UNK: variants seen among roughly 807,000 people sequenced by gnomAD.
UNK encodes RING finger protein unkempt homolog.
In UNK, 32 loss-of-function variants were observed where a neutral mutation model predicts 97.6. That is an observed-to-expected ratio of 0.33 (90% CI 0.25 to 0.44). The LOEUF (loss-of-function observed/expected upper bound fraction) is 0.44. UNK is among the 20% of genes least tolerant of loss of function. UNK has a pLI of 1.00. For synonymous variants in UNK, 441 were observed against 461.2 expected, an observed-to-expected ratio of 0.96 and a Z score of 0.56; for missense variants, 771 against 1,098.4, an observed-to-expected ratio of 0.70 and a Z score of 4.21.
At chr17:75,796,507 T>G (rs534031853) in intron 1 of UNK, among the ~76,000 whole-genome samples, 2 of 152,218 alleles carry the variant, frequency 1.3e-5, no homozygotes, top group African/African-American at 4.8e-5. Context: ...TAAATTTGTT[T>G]TGTGAAGTCA....
chr17:75,823,676 A>G (rs1411142404), intron 15 of UNK, among the ~76,000 whole-genome samples, 154 bp downstream of exon 15: 1 of 152,156 alleles, frequency 6.6e-6, no homozygotes, highest in Non-Finnish European at 1.5e-5. Context: ...CCTGCTGGGA[A>G]TGGGTGAGGA....
In UNK at chr17:75,784,909, C is replaced by G; in HGVS notation, c.29C>G (p.Ser10Cys). The change falls in exon 1 of 16, where the codon TCC becomes TGC. Residue 10 changes from serine (S) to cysteine (C), a missense_variant. By Grantham distance (112) the Ser-to-Cys change is moderately radical. Around this residue, in one of 5 missense-constraint regions of UNK, gnomAD observed 34 missense variants for 24.7 expected, o/e 1.37. Transcript: ENST00000589666. ...TCGAAGGGCCCCGGGCCCGGCGGCT[C>G]CGCAGCTTCCTCGGCGCCCCCGGCC... MSKGPGPGG[S>C]AASSAPPAAT... The G allele has an allele frequency of 3.2e-6, 5 of 1,571,202 alleles. No homozygotes were observed. Among genetic ancestry groups the G allele is most frequent in the Non-Finnish European group, 4.3e-6 (5 of 1,162,194 alleles).
At chr17:75,810,945 T>A (rs2061963603) in intron 2 of UNK, among the ~76,000 whole-genome samples, 1 of 150,366 alleles carries the variant, frequency 6.7e-6, no homozygotes, top group Non-Finnish European at 1.5e-5. Flanking sequence ...TTCAGTTGAT[T>A]TCTTTTTTTT....
chr17:75,823,860 T>C (rs897022947), intron 15 of UNK, among the ~76,000 whole-genome samples: 10 of 152,334 alleles, frequency 6.6e-5, no homozygotes, highest in Non-Finnish European at 1.3e-4. Context: ...ACCCCAGGGC[T>C]ACCCCTGCCT....
intron 1 of UNK, among the ~76,000 whole-genome samples, chr17:75,794,778 G>GT (rs1347102434): frequency 6.6e-6 from 1 of 152,164 alleles, no homozygotes; most frequent in East Asian, 1.9e-4. Context: ...ACCTCTTTGT[G>GT]TATCAGTTTC....
At position 75,818,750 on chromosome 17, in the gene UNK, G is replaced by A. The variant is rs560045681; in HGVS notation, c.1480G>A (p.Val494Ile). The stretch of plus-strand genomic sequence containing the variant: ...CCCTAGCCCAGTGGGCACCAGCAGC[G>A]TCCCCGGCATGAATGCAAACGCTCT... ...TPPSPVGTSS[V>I]PGMNANALPF... The change falls in exon 11 of 16, where the codon GTC becomes ATC. Residue 494 changes from valine (V) to isoleucine (I), a missense_variant. Val to Ile is a conservative substitution (Grantham distance 29, BLOSUM62 3). Around this residue, in one of 5 missense-constraint regions of UNK, gnomAD observed 91 missense variants for 173.1 expected, o/e 0.53. Coordinates refer to ENST00000589666, the MANE Select transcript of UNK (RefSeq NM_001080419.3). The surrounding 1 kb of genome is among the most constrained non-coding windows in gnomAD (Gnocchi z 5.1). 3.6e-5 allele frequency: 58 copies of A among 1,613,018 alleles called. No homozygotes were observed. The highest frequency in any genetic ancestry group is 2.5e-4 in the South Asian group (23 of 90,922).
intron 13 of UNK, 135 bp from the exon 14 acceptor site, chr17:75,822,342 C>A (rs1044361422): frequency 8.0e-6 from 9 of 1,126,462 alleles, no homozygotes; most frequent in Non-Finnish European, 1.1e-5. Context: ...CTGCAAAATT[C>A]TCTGGCCTGA....
chr17:75,792,061 C>G (rs1481947294), intron 1 of UNK: 1 of 985,258 alleles, frequency 1.0e-6, no homozygotes, highest in Non-Finnish European at 1.2e-6. Context: ...CATGAGCACG[C>G]TTAGGTAACT....
rs764006685 is a variant in UNK, at chr17:75,815,268, T to C, written c.961+15T>C. ...CCACGTAGAACGTATGCTGTTCCCA[T>C]TGCCCCGGGGCAGTGCCCTCTCCCA... On this transcript the variant is annotated intron_variant, in intron 7 of 15. Coordinates refer to ENST00000589666, the MANE Select transcript of UNK (RefSeq NM_001080419.3). 4 of 1,608,894 alleles carry C rather than the reference T, an allele frequency of 2.5e-6. No homozygotes were observed. The highest frequency in any genetic ancestry group is 2.2e-5 in the East Asian group (1 of 44,800).
In UNK at chr17:75,817,529, A is replaced by G; in HGVS notation, c.1305+3A>G. ...ACCTGAAAAATTTCAAATGCCAGGT[A>G]AGGGATGAGGGAGGCAGCAGTGAGG... On this transcript the variant is annotated splice_donor_region_variant and intron_variant, in intron 9 of 15. Transcript: ENST00000589666. This position sits in a 1 kb window ranked among gnomAD's most constrained non-coding sequence, Gnocchi z 5.8. 6.2e-7 allele frequency: 1 copy of G among 1,603,812 alleles called. No individual in the cohort carries two copies. The highest frequency in any genetic ancestry group is 1.3e-5 in the African/African-American group (1 of 74,868).
chr17:75,802,064 C>T (rs1304057227), intron 1 of UNK, among the ~76,000 whole-genome samples: 3 of 151,486 alleles, frequency 2.0e-5, no homozygotes, highest in South Asian at 2.1e-4. Flanking sequence ...GCCAGGCTGG[C>T]GTCAAACTCC....
chr17:75,817,524 C>G lies in UNK; in HGVS notation c.1303C>G (p.Gln435Glu). ...GAEYLKNFKC[Q>E]AKLKPHSLEP... is the part of the protein sequence containing the mutation. Reference sequence around the variant, plus strand: ...CGAGTACCTGAAAAATTTCAAATGCCAGGTAAGGGATGAGGGAGGCAGCAG... The same window carrying G: ...CGAGTACCTGAAAAATTTCAAATGCGAGGTAAGGGATGAGGGAGGCAGCAG... The change falls in exon 9 of 16, where the codon CAG becomes GAG. Residue 435 changes from glutamine (Q) to glutamate (E), a missense_variant and splice_region_variant. Gln to Glu is a conservative substitution (Grantham distance 29). Transcript: ENST00000589666. The surrounding 1 kb of genome is among the most constrained non-coding windows in gnomAD (Gnocchi z 5.8). The G allele has an allele frequency of 6.2e-7, 1 of 1,606,130 alleles. No individual in the cohort carries two copies. The highest frequency in any genetic ancestry group is 8.5e-7 in the Non-Finnish European group (1 of 1,175,434).
At chr17:75,812,947 T>A (rs1451435876) in intron 4 of UNK, 131 bp from the exon 5 acceptor site, 3 of 1,311,888 alleles carry the variant, frequency 2.3e-6, no homozygotes, top group Non-Finnish European at 3.0e-6. Flanking sequence ...GGGGCCCTAC[T>A]CACATCTGGC....
chr17:75,786,134 G>C (rs181646084), intron 1 of UNK, among the ~76,000 whole-genome samples: 5 of 152,326 alleles, frequency 3.3e-5, no homozygotes, highest in Admixed American at 2.6e-4. Flanking sequence ...AATCATTTAA[G>C]CTTCTTGACT....
chr17:75,796,509 G>C (rs185154664), intron 1 of UNK, among the ~76,000 whole-genome samples: 2 of 152,114 alleles, frequency 1.3e-5, no homozygotes, highest in African/African-American at 4.8e-5. Flanking sequence ...AATTTGTTTT[G>C]TGAAGTCAGG....
Position 75,824,489 on chromosome 17 carries a change from AAT to A in UNK, c.*85_*86del, listed in dbSNP as rs202171835. ...TTTTTAAAGTATATATATATATATG[AAT>A]ATATATATATATGTGTATGTATGTA... On this transcript the variant is annotated 3_prime_UTR_variant, in exon 16 of 16. Coordinates refer to ENST00000589666, the MANE Select transcript of UNK (RefSeq NM_001080419.3). The surrounding 1 kb of genome is among the most constrained non-coding windows in gnomAD (Gnocchi z 4.9). 11,286 of 822,106 alleles carry A rather than the reference AAT, an allele frequency of 0.014. 70 individuals carry two copies. The highest frequency in any genetic ancestry group is 0.019 in the Middle Eastern group (41 of 2,148). The allele number at this position is 822,106 out of a possible 1,614,324, so 50.9% of individuals were successfully genotyped here. A position where few individuals can be genotyped will look rare whatever the true frequency, so the allele number is the denominator to read the frequency against.
intron 1 of UNK, among the ~76,000 whole-genome samples, chr17:75,789,012 C>T (rs929302354): frequency 8.5e-5 from 13 of 152,228 alleles, no homozygotes; most frequent in African/African-American, 2.9e-4. Context: ...TCTTGCCCTT[C>T]ATTCTTGTGC....
At chr17:75,789,370 C>G (rs950757116) in intron 1 of UNK, among the ~76,000 whole-genome samples, 2 of 151,966 alleles carry the variant, frequency 1.3e-5, no homozygotes, top group Admixed American at 6.6e-5. Flanking sequence ...GAGTCTCGCT[C>G]TGTTGCCCTT....
At position 75,817,475 on chromosome 17, in the gene UNK, C is replaced by T. The variant is rs766929906; in HGVS notation, c.1254C>T (p.Phe418=). The change falls in exon 9 of 16, where the codon TTC becomes TTT. Residue 418 remains phenylalanine, a synonymous_variant. Transcript: ENST00000589666. The surrounding 1 kb of genome is among the most constrained non-coding windows in gnomAD (Gnocchi z 5.8). ...APGSYKKAPG[F]EREDQVGAEY... ...GCAGCTATAAGAAGGCTCCCGGCTT[C>T]GAGAGGGAAGACCAGGTGGGAGCCG... is the stretch of plus-strand genomic sequence containing the variant. The T allele has an allele frequency of 1.4e-5, 22 of 1,612,776 alleles. No homozygotes were observed. The highest frequency in any genetic ancestry group is 8.3e-5 in the Admixed American group (5 of 59,938).
Sources: gnomAD v4.1 joint callset for allele counts (sites outside exome capture counted in the v4.1 genomes callset) on GRCh38, gnomAD v4.1.1 for gene constraint, gnomAD v4.1.1 regional missense constraint, Gnocchi (gnomAD v3.1) non-coding constraint, MANE v1.5 for transcripts, NCBI Gene and HGNC (gene_info 2026-07-23, HGNC 2026-07-21) for gene names.